The following MLIP variants were observed in gnomAD, a reference collection of about 807,000 sequenced individuals.
MLIP encodes the protein muscular LMNA-interacting protein.
A neutral mutation model predicts 84.8 loss-of-function variants in MLIP; 79 were observed. That is an observed-to-expected ratio of 0.93 (90% CI 0.78 to 1.12). The LOEUF is 1.12. Among genes scored for constraint, MLIP ranks in the 50% most tolerant of loss-of-function variants. The pLI is 0.00. For missense variants in MLIP, 1,257 were observed against 1,160.6 expected, an observed-to-expected ratio of 1.08 and a Z score of -1.21; for synonymous variants, 504 against 463.0, an observed-to-expected ratio of 1.09 and a Z score of -1.14.
At chr6:54,052,077 C>G (rs1765406266) in intron 1 of MLIP, among the ~76,000 whole-genome samples, 1 of 152,116 alleles carries the variant, frequency 6.6e-6, no homozygotes, top group Non-Finnish European at 1.5e-5. Context: ...TGGCCTCACT[C>G]TTAGTCAGGC....
intron 11 of MLIP, among the ~76,000 whole-genome samples, chr6:54,213,774 A>C (rs1048094260): frequency 8.8e-6 from 1 of 113,820 alleles, no homozygotes; most frequent in African/African-American, 2.7e-5. Context: ...TAATCTGTTC[A>C]GAATTAAACA....
In MLIP at chr6:54,215,204, C is replaced by T. The variant is rs1274372652; in HGVS notation, c.2718+12971C>T. Reference sequence around the variant, plus strand: ...ACGTCTGGTCCTTGGCTCCTCTGATCATTGAGGAACCCTATCCTTGTGGCT... The same window carrying T: ...ACGTCTGGTCCTTGGCTCCTCTGATTATTGAGGAACCCTATCCTTGTGGCT... On this transcript the variant is annotated intron_variant, in intron 11 of 13. Coordinates refer to ENST00000502396, the MANE Select transcript of MLIP (RefSeq NM_001281747.2). 3.3e-6 allele frequency: 5 copies of T among 1,534,716 alleles called. No homozygotes were observed. The South Asian group carries it at 4.8e-5, about 15-fold the overall frequency.
At chr6:54,212,589 G>A (rs558823039) in intron 11 of MLIP, among the ~76,000 whole-genome samples, 106 of 152,248 alleles carry the variant, frequency 7.0e-4, no homozygotes, top group African/African-American at 2.3e-3. Flanking sequence ...GCTTGCCCCC[G>A]CCCCTGCAAT....
chr6:54,235,952 A>G (rs1457603703), intron 12 of MLIP, among the ~76,000 whole-genome samples: 2 of 152,148 alleles, frequency 1.3e-5, no homozygotes, highest in African/African-American at 4.8e-5. Flanking sequence ...TATCAACTGT[A>G]GGTCAGTTAC....
intron 13 of MLIP, among the ~76,000 whole-genome samples, chr6:54,257,976 CAA>C (rs1370151751): frequency 6.6e-6 from 1 of 151,900 alleles, no homozygotes; most frequent in Non-Finnish European, 1.5e-5. Flanking sequence ...ACCACAGAAA[CAA>C]AGAAAAATTC....
rs182964433 is a variant in MLIP, at chr6:54,034,465, G to A, written c.63+15374G>A. Among the ~76,000 whole-genome samples the A allele has an allele frequency of 1.1e-3, 171 of 152,270 alleles. 1 individual carries two copies. The highest frequency in any genetic ancestry group is 3.9e-3 in the African/African-American group (162 of 41,566). On this transcript the variant is annotated intron_variant, in intron 1 of 12. Transcript: ENST00000274897. Reference sequence around the variant, plus strand: ...GGAGCTGACAAATTCCTGTTGCCTAGTGGCATCTTAATGATCCTGCTCCTC... The same window carrying A: ...GGAGCTGACAAATTCCTGTTGCCTAATGGCATCTTAATGATCCTGCTCCTC...
chr6:54,058,105 AGAG>A (rs1337446120), intron 1 of MLIP: 1 of 151,938 alleles, frequency 6.6e-6, no homozygotes, highest in African/African-American at 2.4e-5. Flanking sequence ...TATTTTGTGT[AGAG>A]ACATTATATG....
chr6:54,255,213 T>G (rs1782928260), intron 12 of MLIP, among the ~76,000 whole-genome samples: 1 of 152,176 alleles, frequency 6.6e-6, no homozygotes, highest in Non-Finnish European at 1.5e-5. Context: ...ATACTTGCTT[T>G]GAGAGCACAG....
At chr6:54,263,739 T>C (rs763604465) in intron 13 of MLIP, among the ~76,000 whole-genome samples, 3 of 152,102 alleles carry the variant, frequency 2.0e-5, no homozygotes, top group Non-Finnish European at 2.9e-5. Context: ...ACCAAGATTT[T>C]GAGTTTGACT....
At chr6:54,063,626 T>A (rs939280842) in intron 1 of MLIP, among the ~76,000 whole-genome samples, 2 of 152,024 alleles carry the variant, frequency 1.3e-5, no homozygotes, top group Admixed American at 1.3e-4. Flanking sequence ...GTAAGTAAAT[T>A]TGTCCAAGGT....
chr6:54,140,335 A>G (rs900384661), intron 4 of MLIP, among the ~76,000 whole-genome samples: 5 of 152,294 alleles, frequency 3.3e-5, no homozygotes, highest in African/African-American at 1.2e-4. Flanking sequence ...AGGCATATTT[A>G]TTGAAGACCT....
At chr6:54,192,617 T>C (rs1483716273) in intron 10 of MLIP, among the ~76,000 whole-genome samples, 1 of 151,832 alleles carries the variant, frequency 6.6e-6, no homozygotes, top group Non-Finnish European at 1.5e-5. Flanking sequence ...AACTTTGATA[T>C]ATATATTTAT....
intron 1 of MLIP, among the ~76,000 whole-genome samples, chr6:54,050,392 A>G (rs1382536700): frequency 6.6e-6 from 1 of 152,156 alleles, no homozygotes; most frequent in Non-Finnish European, 1.5e-5. Context: ...GTACAGATAT[A>G]CACATTTGCA....
chr6:54,137,740 TTC>T lies in MLIP; in HGVS notation c.1675_1676del (p.Leu559PhefsTer6). On this transcript the variant is annotated frameshift_variant, in exon 4 of 14. Coordinates refer to ENST00000502396, the MANE Select transcript of MLIP (RefSeq NM_001281747.2). LOFTEE classifies it high-confidence loss of function. ...VGLPPVPPSS[S>X]LSSLKSKQDG... is the part of the protein sequence containing the mutation. Reference sequence around the variant, plus strand: ...GTCTTCCTCCTGTTCCACCAAGCTCTTCTCTTTCCTCTTTGAAGAGTAAACAG... The same window carrying T: ...GTCTTCCTCCTGTTCCACCAAGCTCTTCTTTCCTCTTTGAAGAGTAAACAG... 6.5e-7 allele frequency: 1 copy of T among 1,536,086 alleles called. No individual in the cohort carries two copies. The highest frequency in any genetic ancestry group is 8.7e-7 in the Non-Finnish European group (1 of 1,146,864).
Position 54,215,144 on chromosome 6 carries a change from C to A in MLIP, c.2718+12911C>A. 5 of 1,535,150 alleles carry A rather than the reference C, an allele frequency of 3.3e-6. No individual in the cohort carries two copies. The South Asian group carries it at 6.0e-5, about 18-fold the overall frequency. On this transcript the variant is annotated intron_variant, in intron 11 of 13. Transcript: ENST00000502396. ...AGCTGTCCACTTTACACTCAGGCTG[C>A]ACATTCTGTGGACTCCTACTGCAAC...
At chr6:54,041,622 A>C (rs1271710488) in intron 1 of MLIP, among the ~76,000 whole-genome samples, 1 of 152,060 alleles carries the variant, frequency 6.6e-6, no homozygotes, top group East Asian at 1.9e-4. Flanking sequence ...AGTCATCCTA[A>C]TAGGCACGTG....
Position 54,249,156 on chromosome 6 carries a change from ATT to A in MLIP, c.2923-8146_2923-8145del, listed in dbSNP as rs896486211. ...GGTAGCATCAGTTATCAATCAATAG[ATT>A]TTTTTGCTTAAGCATCATGGAACCA... On this transcript the variant is annotated intron_variant, in intron 12 of 13. Transcript: ENST00000502396. Among the ~76,000 whole-genome samples the A allele has an allele frequency of 6.4e-4, 97 of 152,018 alleles. 1 individual carries two copies. The highest frequency in any genetic ancestry group is 2.2e-3 in the Admixed American group (33 of 15,224).
intron 1 of MLIP, among the ~76,000 whole-genome samples, chr6:54,061,542 G>T (rs971124149): frequency 6.6e-6 from 1 of 152,164 alleles, no homozygotes; most frequent in Admixed American, 6.6e-5. Flanking sequence ...TGTGCTCAAA[G>T]CTTCATACCA....
intron 1 of MLIP, among the ~76,000 whole-genome samples, chr6:54,022,098 C>T (rs770120333): frequency 6.6e-6 from 1 of 152,166 alleles, no homozygotes; most frequent in African/African-American, 2.4e-5. Context: ...TTTTTCCTAT[C>T]ATGTATTTTC....
Sources: allele counts gnomAD v4.1 joint callset (sites outside exome capture counted in the v4.1 genomes callset), GRCh38; gene constraint gnomAD v4.1.1; transcripts MANE v1.5; gene names NCBI Gene and HGNC (gene_info 2026-07-23, HGNC 2026-07-21).